HERC2: variants seen among roughly 807,000 people sequenced by gnomAD.
HERC2 encodes the protein HECT and RLD domain containing E3 ubiquitin protein ligase 2.
Under a neutral mutation model 537.7 loss-of-function variants are expected in HERC2, and 102 were observed. That is an observed-to-expected ratio of 0.19 (90% CI 0.16 to 0.22). HERC2 has a LOEUF of 0.22. Among genes scored for constraint, HERC2 ranks in the 10% least tolerant of loss-of-function variants. The pLI is 1.00. For missense variants in HERC2, 4,236 were observed against 6,198.2 expected (o/e 0.68, Z 10.63); for synonymous variants, 2,224 against 2,466.2 (o/e 0.90, Z 2.91).
chr15:28,152,906 T>C, intron 69 of HERC2, 76 bp from the exon 70 acceptor site: 1 of 1,432,480 alleles, frequency 7.0e-7, no homozygotes, highest in Non-Finnish European at 9.5e-7. Flanking sequence ...CCTCTGCCCG[T>C]CCTGCTCAGG....
At chr15:28,180,670 T>TA (rs145772629) in intron 57 of HERC2, among the ~76,000 whole-genome samples, 11,691 of 152,204 alleles carry the variant, frequency 0.077, 1,548 homozygotes, top group African/African-American at 0.27. Flanking sequence ...AAAAATAAAA[T>TA]ACAGTTGGTC....
rs1901633232 is a variant in HERC2, at chr15:28,229,730, C to A, written c.4927G>T (p.Ala1643Ser). ...SPLLSTIAEF[A>S]LKEEPVDVEK... is the part of the protein sequence containing the mutation. ...ACATCCACTGGCTCTTCTTTAAGGG[C>A]AAATTCAGCAATTGTACTGAGGAGT... The change falls in exon 32 of 93, where the codon GCC becomes TCC. Residue 1643 changes from alanine to serine, a missense_variant. Ala to Ser is a moderately conservative substitution (Grantham distance 99). Around this residue, in one of 27 missense-constraint regions of HERC2, gnomAD observed 343 missense variants for 417.2 expected, o/e 0.82. Coordinates refer to ENST00000261609, the MANE Select transcript of HERC2 (RefSeq NM_004667.6). 1 of 1,610,422 alleles carries A rather than the reference C, an allele frequency of 6.2e-7. No homozygotes were observed. The highest frequency in any genetic ancestry group is 8.5e-7 in the Non-Finnish European group (1 of 1,178,448).
At chr15:28,259,477 C>T (rs756972399) in intron 16 of HERC2, among the ~76,000 whole-genome samples, 6 of 152,238 alleles carry the variant, frequency 3.9e-5, no homozygotes, top group African/African-American at 1.2e-4. Flanking sequence ...TCTACACAAT[C>T]CCTTATAGAA....
intron 2 of HERC2, among the ~76,000 whole-genome samples, chr15:28,318,064 C>T (rs558845994): frequency 4.6e-5 from 7 of 152,248 alleles, no homozygotes; most frequent in South Asian, 4.2e-4. Flanking sequence ...CAAAGACATG[C>T]GCCTTTACCT....
At position 28,144,157 on chromosome 15, in the gene HERC2, C is replaced by T. The variant is rs775463869; in HGVS notation, c.11219G>A (p.Arg3740Gln). The change falls in exon 73 of 93, where the codon CGA becomes CAA. Residue 3740 changes from arginine (R) to glutamine (Q), a missense_variant. By Grantham distance (43) the Arg-to-Gln change is conservative. Around this residue, in one of 27 missense-constraint regions of HERC2, gnomAD observed 109 missense variants for 133.5 expected, o/e 0.82. Transcript: ENST00000261609. ...MDLVTCLLDF[R>Q]LNLASNRSIV... ...GCTTCTGTTAGAGGCAAGGTTGAGTCGGAAGTCTAACAGACACGTCACCAA... is the reference window on the plus strand; with the variant it reads ...GCTTCTGTTAGAGGCAAGGTTGAGTTGGAAGTCTAACAGACACGTCACCAA... 6.2e-7 allele frequency: 1 copy of T among 1,614,180 alleles called. No individual in the cohort carries two copies. Among genetic ancestry groups the T allele is most frequent in the Non-Finnish European group, 8.5e-7 (1 of 1,180,044 alleles).
chr15:28,140,881 C>T (rs970277023), intron 78 of HERC2, among the ~76,000 whole-genome samples: 2 of 151,876 alleles, frequency 1.3e-5, no homozygotes. Context: ...ATACATCTAA[C>T]GAGTGATGTG....
intron 30 of HERC2, among the ~76,000 whole-genome samples, chr15:28,232,407 G>A (rs1901968037): frequency 1.3e-5 from 2 of 152,080 alleles, no homozygotes; most frequent in South Asian, 4.2e-4. Flanking sequence ...AGGAGTGGTG[G>A]CGGGTGCCTG....
At chr15:28,158,939 CA>C (rs1893295868) in intron 69 of HERC2, among the ~76,000 whole-genome samples, 1 of 152,114 alleles carries the variant, frequency 6.6e-6, no homozygotes, top group African/African-American at 2.4e-5. Context: ...CTGGTGGTGA[CA>C]AAATCTCTCA....
Position 28,166,749 on chromosome 15 carries a change from C to T in HERC2, c.10554+938G>A, listed in dbSNP as rs570873806. On this transcript the variant is annotated intron_variant, in intron 68 of 92. Coordinates refer to ENST00000261609, the MANE Select transcript of HERC2 (RefSeq NM_004667.6). ...TGACCGGGTCCCAGTGACCAGTCCA[C>T]GGGAGTCCCAGTGACCGAGTCCCAG... Among the ~76,000 whole-genome samples, 6 of 151,886 alleles carry T rather than the reference C, an allele frequency of 4.0e-5. No individual in the cohort carries two copies. In the East Asian group the frequency reaches 5.8e-4, roughly 15 times the overall value.
At chr15:28,231,256 A>T (rs1901808750) in intron 30 of HERC2, among the ~76,000 whole-genome samples, 2 of 152,136 alleles carry the variant, frequency 1.3e-5, no homozygotes, top group African/African-American at 4.8e-5. Context: ...AACCCTGCAA[A>T]TTCCCAAGGA....
In HERC2 at chr15:28,116,869, A is replaced by T. The variant is rs1888310768; in HGVS notation, c.13415-10T>A. Reference sequence around the variant, plus strand: ...TCATCCACAGATTCACCTGCAGGGGAGAAGCAGCCACTCGAAGTCCCCTCA... The same window carrying T: ...TCATCCACAGATTCACCTGCAGGGGTGAAGCAGCCACTCGAAGTCCCCTCA... On this transcript the variant is annotated splice_polypyrimidine_tract_variant and intron_variant, in intron 87 of 92. Transcript: ENST00000261609. 6.2e-7 allele frequency: 1 copy of T among 1,608,858 alleles called. No individual in the cohort carries two copies. The highest frequency in any genetic ancestry group is 8.5e-7 in the Non-Finnish European group (1 of 1,177,506).
chr15:28,131,899 C>T (rs1301426828), intron 81 of HERC2, among the ~76,000 whole-genome samples: 1 of 152,198 alleles, frequency 6.6e-6, no homozygotes, highest in African/African-American at 2.4e-5. Flanking sequence ...ACCTTACTCC[C>T]TCTAGGCCCT....
At chr15:28,274,497 C>T (rs2075820543) in intron 6 of HERC2, 50 bp from the exon 7 acceptor site, 10 of 1,537,324 alleles carry the variant, frequency 6.5e-6, no homozygotes, top group Middle Eastern at 2.1e-4. Context: ...CTCACTCTCC[C>T]GCTGGGCTTC....
In HERC2 at chr15:28,113,224, G is replaced by A; in HGVS notation, c.14079C>T (p.Gly4693=). Residue 4693 remains glycine (G), a synonymous_variant, in exon 92 of 93, where the codon GGC becomes GGT. Coordinates refer to ENST00000261609, the MANE Select transcript of HERC2 (RefSeq NM_004667.6). This position sits in a 1 kb window ranked among gnomAD's most constrained non-coding sequence, Gnocchi z 7.0. ...GGATCAGCGATGCGGAAGGCTCGAT[G>A]CCTTTATAGGTGGCCACCGACTTGA... The part of the protein sequence containing the change: ...HLLKSVATYK[G]IEPSASLIQW... 2.5e-6 allele frequency: 4 copies of A among 1,614,164 alleles called. No individual in the cohort carries two copies. Among genetic ancestry groups the A allele is most frequent in the East Asian group, 2.2e-5 (1 of 44,882 alleles).
intron 70 of HERC2, among the ~76,000 whole-genome samples, chr15:28,150,552 GA>G (rs1158456817): frequency 1.6e-5 from 2 of 126,538 alleles, no homozygotes; most frequent in Admixed American, 1.7e-4. Flanking sequence ...TGAAATCACC[GA>G]AAAAAACACA....
chr15:28,165,151 G>A (rs1893997035), intron 68 of HERC2, among the ~76,000 whole-genome samples: 1 of 152,222 alleles, frequency 6.6e-6, no homozygotes, highest in South Asian at 2.1e-4. Flanking sequence ...AAGTGAGGAA[G>A]GTGCCACACT....
chr15:28,305,325 C>G (rs2076755089), intron 2 of HERC2, among the ~76,000 whole-genome samples: 1 of 152,128 alleles, frequency 6.6e-6, no homozygotes, highest in African/African-American at 2.4e-5. Flanking sequence ...AGTACCAAAA[C>G]AGACATATAG....
chr15:28,248,502 T>C, intron 21 of HERC2, 50 bp downstream of exon 21: 1 of 1,439,714 alleles, frequency 6.9e-7, no homozygotes, highest in Non-Finnish European at 9.7e-7. Context: ...AAGCCTAAAG[T>C]AACGAGCCCC....
Position 28,132,817 on chromosome 15 carries a change from G to C in HERC2, c.12244C>G (p.Pro4082Ala). ...GHGNRSPCDR[P>A]RVIESLRGIE... is the part of the protein sequence containing the mutation. ...CCTCTCAGAGACTCGATGACACGAG[G>C]GCGGTCACACGGACTGCAAAAAAGT... The change falls in exon 80 of 93, where the codon CCT becomes GCT. Residue 4082 changes from proline to alanine, a missense_variant. Around this residue, in one of 27 missense-constraint regions of HERC2, gnomAD observed 94 missense variants for 137.4 expected, o/e 0.68. Coordinates refer to ENST00000261609, the MANE Select transcript of HERC2 (RefSeq NM_004667.6). 1 of 1,560,302 alleles carries C rather than the reference G, an allele frequency of 6.4e-7. No homozygotes were observed. The highest frequency in any genetic ancestry group is 1.4e-5 in the African/African-American group (1 of 72,244).
Sources: gnomAD v4.1 joint callset for allele counts (sites outside exome capture counted in the v4.1 genomes callset) on GRCh38, gnomAD v4.1.1 for gene constraint, gnomAD v4.1.1 regional missense constraint, Gnocchi (gnomAD v3.1) non-coding constraint, MANE v1.5 for transcripts, NCBI Gene and HGNC (gene_info 2026-07-23, HGNC 2026-07-21) for gene names.